The following ATP6V1E2 variants were observed in gnomAD, a reference collection of about 807,000 sequenced individuals.
ATP6V1E2 encodes the protein V-type proton ATPase subunit E 2.
For synonymous variants in ATP6V1E2, 121 were observed against 104.2 expected, an observed-to-expected ratio of 1.16 and a Z score of -0.98; for missense variants, 308 against 273.3, an observed-to-expected ratio of 1.13 and a Z score of -0.90.
chr2:46,531,490 G>C (rs1202641983), intron 4 of ATP6V1E2, among the ~76,000 whole-genome samples: 1 of 152,170 alleles, frequency 6.6e-6, no homozygotes, highest in Non-Finnish European at 1.5e-5. Context: ...TGTGAACATG[G>C]TATGCACATG....
At chr2:46,528,825 C>T (rs1265952159) in intron 4 of ATP6V1E2, among the ~76,000 whole-genome samples, 1 of 152,168 alleles carries the variant, frequency 6.6e-6, no homozygotes. Context: ...CTGAGAAGGC[C>T]GAATAGTGGA....
intron 4 of ATP6V1E2, among the ~76,000 whole-genome samples, chr2:46,518,492 CA>C (rs1666416755): frequency 3.6e-5 from 1 of 28,030 alleles, no homozygotes; most frequent in Non-Finnish European, 6.4e-5. Flanking sequence ...ACACACACAA[CA>C]CACACACACA....
chr2:46,529,727 G>T (rs942349658), intron 4 of ATP6V1E2, among the ~76,000 whole-genome samples: 13 of 152,082 alleles, frequency 8.5e-5, no homozygotes, highest in Admixed American at 8.5e-4. Flanking sequence ...CTGCACTCCA[G>T]CCTGGGTAAC....
In ATP6V1E2 at chr2:46,512,292, G is replaced by A. The variant is rs775081990; in HGVS notation, c.420C>T (p.Asp140=). The A allele has an allele frequency of 5.6e-6, 9 of 1,611,248 alleles. No individual in the cohort carries two copies. In the African/African-American group the frequency reaches 1.2e-4, roughly 22 times the overall value. The part of the protein sequence containing the change: ...PVMIVRCRPQ[D]LLLVEAAVQK... ...GTACAGCAGCCTCCACCAGGAGGAG[G>A]TCTTGTGGCCGGCAGCGTACAATCA... Residue 140 remains aspartate (D), a synonymous_variant, in exon 5 of 5, where the codon GAC becomes GAT. Transcript: ENST00000522587.
At chr2:46,521,261 C>T (rs1219081063) in intron 4 of ATP6V1E2, among the ~76,000 whole-genome samples, 1 of 152,084 alleles carries the variant, frequency 6.6e-6, no homozygotes, top group Non-Finnish European at 1.5e-5. Flanking sequence ...CTTCTTGGGC[C>T]CTTGCCCACA....
rs532249494 is a variant in ATP6V1E2 at position 46,527,314 on chromosome 2, C to T, written c.-102+8499G>A. Among the ~76,000 whole-genome samples the T allele has an allele frequency of 3.3e-5, 5 of 152,236 alleles. No individual in the cohort carries two copies. The East Asian group carries it at 7.7e-4, about 24-fold the overall frequency. On this transcript the variant is annotated intron_variant, in intron 4 of 4. Coordinates refer to ENST00000522587, the MANE Select transcript of ATP6V1E2 (RefSeq NM_001318063.2). ...TCAGCTCACTGCAAGCTCTGCCTAC[C>T]GGGTTCACGCCATTCTCCTGCCTCA...
intron 4 of ATP6V1E2, among the ~76,000 whole-genome samples, chr2:46,526,591 G>A (rs1270421336): frequency 6.6e-6 from 1 of 152,158 alleles, no homozygotes; most frequent in East Asian, 1.9e-4. Context: ...TCCTGTCTCT[G>A]TGAATTTGAG....
intron 4 of ATP6V1E2, among the ~76,000 whole-genome samples, chr2:46,526,519 T>C (rs1666929347): frequency 6.6e-6 from 1 of 152,192 alleles, no homozygotes; most frequent in Non-Finnish European, 1.5e-5. Context: ...AAACTCTGTA[T>C]CCATTAAACA....
chr2:46,520,376 A>G (rs905111584), intron 4 of ATP6V1E2, among the ~76,000 whole-genome samples: 1 of 152,248 alleles, frequency 6.6e-6, no homozygotes, highest in African/African-American at 2.4e-5. Context: ...GCCTGTCCTT[A>G]TACGAGGGCT....
At chr2:46,541,944 C>G (rs1376550581) in intron 1 of ATP6V1E2, 1 of 152,322 alleles carries the variant, frequency 6.6e-6, no homozygotes, top group Non-Finnish European at 1.5e-5. Context: ...AGAATGTGGC[C>G]TCCAGGGGGA....
Position 46,512,795 on chromosome 2 carries a change from G to A in ATP6V1E2, c.-84C>T, listed in dbSNP as rs777240079. On this transcript the variant is annotated 5_prime_UTR_variant, in exon 5 of 5. Coordinates refer to ENST00000522587, the MANE Select transcript of ATP6V1E2 (RefSeq NM_001318063.2). ...TTAGGACAATTTCAGGAGTGTCTCT[G>A]GAGTTCCACTTTCTCAGCTATACCA... is the stretch of plus-strand genomic sequence containing the variant. 5.0e-6 allele frequency: 6 copies of A among 1,211,286 alleles called. No individual in the cohort carries two copies. The highest frequency in any genetic ancestry group is 5.7e-6 in the Non-Finnish European group (5 of 878,196). 75.0% of individuals were successfully genotyped at this position (1,211,286 alleles called of 1,614,324 possible).
At chr2:46,528,951 C>T (rs2103900155) in intron 4 of ATP6V1E2, among the ~76,000 whole-genome samples, 1 of 152,238 alleles carries the variant, frequency 6.6e-6, no homozygotes, top group Middle Eastern at 3.4e-3. Flanking sequence ...TCTGCCCTTC[C>T]TAGAACCATA....
chr2:46,527,244 CAG>C (rs1280426391), intron 4 of ATP6V1E2, among the ~76,000 whole-genome samples: 1 of 151,906 alleles, frequency 6.6e-6, no homozygotes, highest in African/African-American at 2.4e-5. Flanking sequence ...ATTTTTGAGA[CAG>C]AGTCTCACTC....
intron 4 of ATP6V1E2, among the ~76,000 whole-genome samples, chr2:46,524,346 G>A (rs188192061): frequency 6.6e-6 from 1 of 152,034 alleles, no homozygotes; most frequent in Non-Finnish European, 1.5e-5. Context: ...AGGCAATTTC[G>A]GAAAACTCAG....
intron 4 of ATP6V1E2, among the ~76,000 whole-genome samples, chr2:46,523,187 C>T (rs1666727476): frequency 1.3e-5 from 2 of 151,958 alleles, no homozygotes; most frequent in South Asian, 4.1e-4. Context: ...CTGTAGGTTG[C>T]CTGTTCACTC....
At chr2:46,541,550 C>T (rs1411967322) in intron 1 of ATP6V1E2, 97 bp from the exon 2 acceptor site, 3 of 152,228 alleles carry the variant, frequency 2.0e-5, no homozygotes, top group Non-Finnish European at 4.4e-5. Context: ...TTGGGACAAC[C>T]GCTTCACCTT....
intron 4 of ATP6V1E2, among the ~76,000 whole-genome samples, chr2:46,532,806 A>T (rs1012707358): frequency 2.0e-5 from 3 of 152,204 alleles, no homozygotes; most frequent in Non-Finnish European, 2.9e-5. Context: ...AGCCTCTAGA[A>T]CTAAGAGAAA....
At chr2:46,520,794 A>G (rs1019182855) in intron 4 of ATP6V1E2, among the ~76,000 whole-genome samples, 1 of 152,136 alleles carries the variant, frequency 6.6e-6, no homozygotes, top group African/African-American at 2.4e-5. Context: ...GGCTGGGTGC[A>G]GATAGGTGTT....
At chr2:46,529,378 A>G (rs1183375138) in intron 4 of ATP6V1E2, among the ~76,000 whole-genome samples, 1 of 152,200 alleles carries the variant, frequency 6.6e-6, no homozygotes, top group Non-Finnish European at 1.5e-5. Context: ...TTCCTCAGTG[A>G]TCTTCTTGGG....
Sources: allele counts gnomAD v4.1 joint callset (sites outside exome capture counted in the v4.1 genomes callset), GRCh38; gene constraint gnomAD v4.1.1; transcripts MANE v1.5; gene names NCBI Gene and HGNC (gene_info 2026-07-23, HGNC 2026-07-21).